PRDM8: variants seen among roughly 807,000 people sequenced by gnomAD.
PRDM8 encodes PR domain zinc finger protein 8.
A neutral mutation model predicts 46.5 loss-of-function variants in PRDM8; 13 were observed. The observed-to-expected ratio is 0.28, with a 90% CI of 0.18 to 0.44. PRDM8 has a LOEUF of 0.44. Among genes scored for constraint, PRDM8 ranks in the 20% least tolerant of loss-of-function variants. PRDM8 has a pLI of 1.00. For synonymous variants in PRDM8, 473 were observed against 438.4 expected (o/e 1.08, Z -0.98); for missense variants, 998 against 955.0 (o/e 1.04, Z -0.59).
chr4:80,199,709 A>ATGTGTGTGTGTGTGTGTGTGTGTG (rs34334135), intron 1 of PRDM8, among the ~76,000 whole-genome samples: 3 of 132,976 alleles, frequency 2.3e-5, no homozygotes, highest in African/African-American at 8.7e-5. Flanking sequence ...ATATATATAT[A>ATGTGTGTGTGTGTGTGTGTGTGTG]TGTGTGTGTG....
At chr4:80,192,809 C>G (rs986393112), upstream of PRDM8, among the ~76,000 whole-genome samples, 1 of 152,212 alleles carries the variant, frequency 6.6e-6, no homozygotes, top group African/African-American at 2.4e-5. Context: ...GATTTCATAT[C>G]TGTTGGTAGT....
intron 1 of PRDM8, among the ~76,000 whole-genome samples, chr4:80,187,238 C>T (rs1737168317): frequency 1.1e-5 from 1 of 90,882 alleles, no homozygotes; most frequent in Admixed American, 1.0e-4. Flanking sequence ...TCAGCATTCT[C>T]TGCCCTGGGG....
chr4:80,201,364 G>A lies in PRDM8; in HGVS notation c.294G>A (p.Lys98=), dbSNP rs1329657137. ...WLRLVQSARD[K]EEQNLEAYIK... is the part of the protein sequence containing the mutation. Reference sequence around the variant, plus strand: ...GGTTGGTCCAATCGGCCAGAGATAAGGAAGAGCAGAACCTTGAAGCCTACA... The same window carrying A: ...GGTTGGTCCAATCGGCCAGAGATAAAGAAGAGCAGAACCTTGAAGCCTACA... The change falls in exon 3 of 4, where the codon AAG becomes AAA. Residue 98 remains lysine (K), a synonymous_variant. Coordinates refer to ENST00000415738, the MANE Select transcript of PRDM8 (RefSeq NM_001099403.2). The A allele has an allele frequency of 6.2e-7, 1 of 1,614,120 alleles. No homozygotes were observed. The highest frequency in any genetic ancestry group is 1.3e-5 in the African/African-American group (1 of 74,930).
chr4:80,196,044 G>A (rs1737935487), upstream of PRDM8: 2 of 984,904 alleles, frequency 2.0e-6, no homozygotes, highest in South Asian at 9.4e-5. Context: ...TGGGACTGCA[G>A]TCACCAGGCT....
chr4:80,186,455 G>GAGAGAGAGAGAGAGAGAT, intron 1 of PRDM8, among the ~76,000 whole-genome samples: 1 of 150,366 alleles, frequency 6.7e-6, no homozygotes, highest in African/African-American at 2.5e-5. Context: ...GAGAGAGAGA[G>GAGAGAGAGAGAGAGAGAT]ATTGATTGTC....
At chr4:80,196,347 T>G (rs1737959657), upstream of PRDM8, 1 of 985,386 alleles carries the variant, frequency 1.0e-6, no homozygotes. Context: ...CCTTTCTTCC[T>G]TTAGGAGTAG....
intron 1 of PRDM8, among the ~76,000 whole-genome samples, chr4:80,198,980 GTTTTTTTTTTTTTGTTTTTTTTTTTT>G (rs1199454527): frequency 3.5e-4 from 36 of 104,190 alleles, no homozygotes; most frequent in African/African-American, 1.2e-3. Flanking sequence ...GTTTTTTTGG[GTTTTTTTTTTTTTGTTTTTTTTTTTT>G]TTTTTTTTTT....
chr4:80,203,713 A>G lies in PRDM8; in HGVS notation c.*181A>G, dbSNP rs1738768549. ...CACGTCCTCTCCTCCCAGGAACCTC[A>G]TTCAAATATTTACCCGGGACACACA... On this transcript the variant is annotated 3_prime_UTR_variant, in exon 4 of 4. Coordinates refer to ENST00000415738, the MANE Select transcript of PRDM8 (RefSeq NM_001099403.2). 3.4e-6 allele frequency: 3 copies of G among 888,896 alleles called. No homozygotes were observed. In the South Asian group the frequency reaches 5.5e-5, roughly 16 times the overall value. 55.1% of individuals were successfully genotyped at this position (888,896 alleles called of 1,614,324 possible).
rs1258720814 is a variant in PRDM8, at chr4:80,203,184, C to T, written c.1722C>T (p.Pro574=). 3 of 1,550,114 alleles carry T rather than the reference C, an allele frequency of 1.9e-6. No individual in the cohort carries two copies. The highest frequency in any genetic ancestry group is 2.6e-6 in the Non-Finnish European group (3 of 1,151,696). ...SGGGGLPKQS[P]FLYATAFWPK... Reference sequence around the variant, plus strand: ...GCGGCGGCCTGCCTAAGCAGAGCCCCTTCCTGTACGCCACCGCCTTCTGGC... The same window carrying T: ...GCGGCGGCCTGCCTAAGCAGAGCCCTTTCCTGTACGCCACCGCCTTCTGGC... The change falls in exon 4 of 4, where the codon CCC becomes CCT. Residue 574 remains proline, a synonymous_variant. Coordinates refer to ENST00000415738, the MANE Select transcript of PRDM8 (RefSeq NM_001099403.2).
intron 1 of PRDM8, among the ~76,000 whole-genome samples, chr4:80,198,379 T>G (rs936210426): frequency 1.3e-5 from 2 of 151,994 alleles, no homozygotes; most frequent in Non-Finnish European, 2.9e-5. Flanking sequence ...AGAGAGAAAT[T>G]GGGGAATAAA....
At chr4:80,195,982 T>TG (rs748137901), upstream of PRDM8, 55 of 766,018 alleles carry the variant, frequency 7.2e-5, no homozygotes, top group Non-Finnish European at 8.4e-5. Context: ...ATGAACTTCA[T>TG]GGGAAAGTCC....
chr4:80,198,086 G>A (rs1738105036), intron 1 of PRDM8, among the ~76,000 whole-genome samples: 2 of 152,206 alleles, frequency 1.3e-5, no homozygotes, highest in African/African-American at 4.8e-5. Context: ...TAAGAACCTG[G>A]GCCTAGAGCG....
chr4:80,197,596 A>G lies in PRDM8; in HGVS notation c.-170A>G, dbSNP rs779909875. 58 of 750,246 alleles carry G rather than the reference A, an allele frequency of 7.7e-5. No individual in the cohort carries two copies. Among genetic ancestry groups the G allele is most frequent in the Non-Finnish European group, 8.5e-5 (55 of 645,604 alleles). The allele number at this position is 750,246 out of a possible 1,614,324, so 46.5% of individuals were successfully genotyped here. On this transcript the variant is annotated 5_prime_UTR_variant, in exon 1 of 4. Coordinates refer to ENST00000415738, the MANE Select transcript of PRDM8 (RefSeq NM_001099403.2). ...CCACCCCCCCAATCTTTTTCTCCCC[A>G]TCTCTCCATCTCTCTCTTATCTCTT...
chr4:80,199,171 G>A (rs1466337594), intron 1 of PRDM8, among the ~76,000 whole-genome samples: 1 of 151,814 alleles, frequency 6.6e-6, no homozygotes, highest in Non-Finnish European at 1.5e-5. Context: ...GCCCCCTCTT[G>A]CCCAAAAAGG....
chr4:80,190,643 A>G (rs937882461), intron 1 of PRDM8, among the ~76,000 whole-genome samples: 1 of 152,064 alleles, frequency 6.6e-6, no homozygotes, highest in Non-Finnish European at 1.5e-5. Flanking sequence ...CCTTCTCTGC[A>G]CTCTTAGTTC....
At position 80,197,539 on chromosome 4, in the gene PRDM8, G is replaced by C; in HGVS notation, c.-227G>C. The C allele has an allele frequency of 1.0e-6, 1 of 985,552 alleles. No individual in the cohort carries two copies. Among genetic ancestry groups the C allele is most frequent in the Non-Finnish European group, 1.2e-6 (1 of 829,844 alleles). 61.1% of individuals were successfully genotyped at this position (985,552 alleles called of 1,614,324 possible). A position where few individuals can be genotyped will look rare whatever the true frequency, so the allele number is the denominator to read the frequency against. ...CGGGTCCATCTGTACAACTCTCTCC[G>C]TTTCTCCGTCTCTCTCCCTCCCTCC... On this transcript the variant is annotated 5_prime_UTR_variant, in exon 1 of 4. Transcript: ENST00000415738.
intron 2 of PRDM8, among the ~76,000 whole-genome samples, chr4:80,192,347 C>G (rs1737616887): frequency 6.6e-6 from 1 of 152,174 alleles, no homozygotes; most frequent in African/African-American, 2.4e-5. Context: ...CACACAGGTA[C>G]TGAATTGGGA....
chr4:80,190,362 C>T (rs1240384674), intron 1 of PRDM8, among the ~76,000 whole-genome samples: 1 of 152,242 alleles, frequency 6.6e-6, no homozygotes, highest in East Asian at 1.9e-4. Context: ...TCGCCCAGGG[C>T]TCATTTGGAG....
rs781560136 is a variant in PRDM8, at chr4:80,202,202, C to T, written c.740C>T (p.Ser247Phe). 3.7e-6 allele frequency: 6 copies of T among 1,611,974 alleles called. No homozygotes were observed. In the African/African-American group the frequency reaches 5.3e-5, roughly 14 times the overall value. Residue 247 changes from serine (S) to phenylalanine (F), a missense_variant, in exon 4 of 4, where the codon TCC (serine) becomes TTC (phenylalanine). Ser to Phe is a radical substitution (Grantham distance 155). Transcript: ENST00000415738. The stretch of plus-strand genomic sequence containing the variant: ...CCCTCCCCGGAAAGCAGCAACCCAT[C>T]CGCTGCCGCCGGCGGCAGCAGCGCG... ...PSPSPESSNPSAAAGGSSAKP... is the reference protein window; with the variant it reads ...PSPSPESSNPFAAAGGSSAKP...
Sources: allele counts gnomAD v4.1 joint callset (sites outside exome capture counted in the v4.1 genomes callset), GRCh38; gene constraint gnomAD v4.1.1; transcripts MANE v1.5; gene names NCBI Gene and HGNC (gene_info 2026-07-23, HGNC 2026-07-21).